The following ROBO1 variants were observed in gnomAD, a reference collection of about 807,000 sequenced individuals.
ROBO1 encodes the protein roundabout guidance receptor 1, also known as roundabout homolog 1.
In ROBO1, 149 loss-of-function variants were observed where a neutral mutation model predicts 195.9. That is an observed-to-expected ratio of 0.76 (90% CI 0.67 to 0.87). The LOEUF is 0.87. ROBO1 is among the 40% of genes least tolerant of loss of function. ROBO1 has a pLI of 0.00. For synonymous variants in ROBO1, 816 were observed against 733.2 expected, an observed-to-expected ratio of 1.11 and a Z score of -1.82; for missense variants, 1,933 against 2,068.3, an observed-to-expected ratio of 0.93 and a Z score of 1.27.
At chr3:79,070,294 AT>A (rs2079066468) in intron 3 of ROBO1, among the ~76,000 whole-genome samples, 1 of 151,870 alleles carries the variant, frequency 6.6e-6, no homozygotes. Context: ...ATATTTACTC[AT>A]TTAACGCATT....
In ROBO1 at chr3:78,931,484, G is replaced by A. The variant is rs144699016; in HGVS notation, c.499+7117C>T. Among the ~76,000 whole-genome samples the A allele has an allele frequency of 7.3e-3, 1,109 of 151,832 alleles. 12 individuals are homozygous for A. The highest frequency in any genetic ancestry group is 0.026 in the African/African-American group (1,075 of 41,416). On this transcript the variant is annotated intron_variant, in intron 4 of 30. Transcript: ENST00000464233. ...TGGTGTCGAAGTCTTAACCTCAAGC[G>A]ATCTGCCCACCTCGGCCTCCCAAAG...
In ROBO1 at chr3:78,670,243, G is replaced by T; in HGVS notation, c.1401C>A (p.Ala467=). 6.3e-7 allele frequency: 1 copy of T among 1,596,248 alleles called. No homozygotes were observed. The highest frequency in any genetic ancestry group is 8.5e-7 in the Non-Finnish European group (1 of 1,170,464). The part of the protein sequence containing the change: ...IRQGPVNQTV[A]VDGTFVLSCV... ...AGCTGAGGACGAAAGTGCCATCCAC[G>T]GCTACAGTCTGATTCACAGGACCTT... The change falls in exon 11 of 31, where the codon GCC becomes GCA. Residue 467 remains alanine, a synonymous_variant. Transcript: ENST00000464233.
At chr3:78,939,755 T>TA (rs1319457319) in intron 3 of ROBO1, among the ~76,000 whole-genome samples, 1 of 151,468 alleles carries the variant, frequency 6.6e-6, no homozygotes, top group East Asian at 1.9e-4. Flanking sequence ...CCAGAGTTTT[T>TA]ATTAATAAAT....
chr3:79,395,841 A>G (rs1205469254), intron 2 of ROBO1, among the ~76,000 whole-genome samples: 2 of 151,966 alleles, frequency 1.3e-5, no homozygotes, highest in African/African-American at 4.8e-5. Context: ...CTCAATGGAT[A>G]CACAGTTTTT....
chr3:79,471,749 G>T (rs572689616), intron 2 of ROBO1, among the ~76,000 whole-genome samples: 1 of 152,118 alleles, frequency 6.6e-6, no homozygotes, highest in Non-Finnish European at 1.5e-5. Context: ...GGAATACTAT[G>T]CAGCCATAAA....
At chr3:79,437,514 A>T (rs1474227302) in intron 2 of ROBO1, among the ~76,000 whole-genome samples, 1 of 115,718 alleles carries the variant, frequency 8.6e-6, no homozygotes, top group Non-Finnish European at 1.8e-5. Flanking sequence ...TATTGGTAAT[A>T]GCCAAAAGCT....
At chr3:78,982,850 C>T (rs966662612) in intron 3 of ROBO1, among the ~76,000 whole-genome samples, 1 of 152,020 alleles carries the variant, frequency 6.6e-6, no homozygotes, top group Non-Finnish European at 1.5e-5. Context: ...AACTCCTGAC[C>T]TCAAGTGATC....
intron 3 of ROBO1, among the ~76,000 whole-genome samples, chr3:79,038,222 A>G (rs904371876): frequency 8.5e-5 from 13 of 152,340 alleles, no homozygotes; most frequent in Non-Finnish European, 1.0e-4. Flanking sequence ...AACTGAAACA[A>G]GAACACATTT....
chr3:78,940,095 C>G (rs1267400253), intron 3 of ROBO1, among the ~76,000 whole-genome samples: 2 of 152,142 alleles, frequency 1.3e-5, no homozygotes, highest in African/African-American at 4.8e-5. Context: ...CAGCCAAAGG[C>G]CTTACTGAAA....
intron 3 of ROBO1, among the ~76,000 whole-genome samples, chr3:79,115,175 C>T (rs2079969580): frequency 6.6e-6 from 1 of 152,128 alleles, no homozygotes; most frequent in African/African-American, 2.4e-5. Flanking sequence ...CACAAATGTG[C>T]ACTGAAGTAT....
At chr3:78,918,805 T>C (rs1559999292) in intron 4 of ROBO1, among the ~76,000 whole-genome samples, 1 of 152,176 alleles carries the variant, frequency 6.6e-6, no homozygotes, top group Middle Eastern at 3.4e-3. Context: ...TAGAACACAA[T>C]ACTCACAGAT....
intron 2 of ROBO1, among the ~76,000 whole-genome samples, chr3:79,351,413 A>T (rs1264417822): frequency 1.3e-5 from 2 of 152,210 alleles, no homozygotes; most frequent in African/African-American, 4.8e-5. Context: ...ACTTGCCTAT[A>T]TATAGTTGAC....
intron 3 of ROBO1, among the ~76,000 whole-genome samples, chr3:79,096,758 G>A (rs1246797115): frequency 2.7e-5 from 4 of 150,658 alleles, no homozygotes; most frequent in Admixed American, 1.3e-4. Flanking sequence ...GTATGTATAT[G>A]TATATGTATA....
At chr3:79,323,863 G>A (rs947419818) in intron 2 of ROBO1, among the ~76,000 whole-genome samples, 1 of 152,090 alleles carries the variant, frequency 6.6e-6, no homozygotes, top group African/African-American at 2.4e-5. Flanking sequence ...CCTTAACCCA[G>A]TAGTATAGAT....
At chr3:79,702,410 T>A (rs1245363850) in intron 1 of ROBO1, among the ~76,000 whole-genome samples, 2 of 151,834 alleles carry the variant, frequency 1.3e-5, no homozygotes, top group Admixed American at 6.6e-5. Context: ...TTGACAAAAA[T>A]TTATAACTCA....
intron 2 of ROBO1, among the ~76,000 whole-genome samples, chr3:79,239,209 C>T (rs2082468369): frequency 6.6e-6 from 1 of 152,042 alleles, no homozygotes; most frequent in Non-Finnish European, 1.5e-5. Flanking sequence ...GAAAAAGTAT[C>T]CAAAAAGTGC....
At chr3:78,953,950 C>T (rs1366825033) in intron 3 of ROBO1, among the ~76,000 whole-genome samples, 2 of 151,878 alleles carry the variant, frequency 1.3e-5, no homozygotes. Flanking sequence ...GATTCTCCTC[C>T]TAACTCTTTT....
Position 78,717,835 on chromosome 3 carries a change from C to T in ROBO1, c.706G>A (p.Gly236Ser). 6.2e-7 allele frequency: 1 copy of T among 1,613,758 alleles called. No individual in the cohort carries two copies. Among genetic ancestry groups the T allele is most frequent in the Non-Finnish European group, 8.5e-7 (1 of 1,179,762 alleles). The change falls in exon 6 of 31, where the codon GGC becomes AGC. Residue 236 changes from glycine (G) to serine (S), a missense_variant. Around this residue, in one of 3 missense-constraint regions of ROBO1, gnomAD observed 1,737 missense variants for 1,882.5 expected, o/e 0.92. Coordinates refer to ENST00000464233, the MANE Select transcript of ROBO1 (RefSeq NM_002941.4). ...TTGGTACCAACACAAACATATTTGC[C>T]AGCGTCACTTTTACGGGTGTAAGTG... ...MITYTRKSDA[G>S]KYVCVGTNMV...
chr3:78,964,518 G>T (rs1230147524), intron 3 of ROBO1, among the ~76,000 whole-genome samples: 1 of 152,068 alleles, frequency 6.6e-6, no homozygotes, highest in Non-Finnish European at 1.5e-5. Context: ...AAGGCTTTTT[G>T]TTCTTAGCCT....
Sources: allele counts gnomAD v4.1 joint callset (sites outside exome capture counted in the v4.1 genomes callset), GRCh38; gene constraint gnomAD v4.1.1; regional missense constraint gnomAD v4.1.1; transcripts MANE v1.5; gene names NCBI Gene and HGNC (gene_info 2026-07-23, HGNC 2026-07-21).